TMC1: variants seen among roughly 807,000 people sequenced by gnomAD.
TMC1 encodes transmembrane channel like 1, also known as transmembrane channel-like protein 1.
Under a neutral mutation model 105.8 loss-of-function variants are expected in TMC1, and 84 were observed. The ratio of observed to expected loss-of-function variants is 0.79; its 90% confidence interval spans 0.67 to 0.95. The LOEUF is 0.95. Among genes scored for constraint, TMC1 ranks in the 40% least tolerant of loss-of-function variants. The pLI, the probability that TMC1 is intolerant of heterozygous loss-of-function variation, is 0.00. For missense variants in TMC1, 817 were observed against 914.1 expected (o/e 0.89, Z 1.37); for synonymous variants, 315 against 311.5 (o/e 1.01, Z -0.12).
At chr9:72,552,360 T>TC (rs970091682) in intron 1 of TMC1, among the ~76,000 whole-genome samples, 11 of 151,722 alleles carry the variant, frequency 7.3e-5, no homozygotes, top group Admixed American at 5.9e-4. Flanking sequence ...TGTGAAGGAA[T>TC]CCCCCCCAGA....
At chr9:72,641,659 C>T (rs909956409) in intron 4 of TMC1, among the ~76,000 whole-genome samples, 2 of 114,756 alleles carry the variant, frequency 1.7e-5, no homozygotes, top group African/African-American at 3.7e-5. Context: ...ACCTTGTGCC[C>T]GTGCATTCAT....
At chr9:72,739,973 G>T (rs901495459) in intron 8 of TMC1, 146 bp from the exon 9 acceptor site, 3 of 625,354 alleles carry the variant, frequency 4.8e-6, no homozygotes, top group Non-Finnish European at 5.5e-6. Context: ...AAATTTCTAG[G>T]TTATGAAATA....
At chr9:72,792,790 T>G (rs1371336785) in intron 17 of TMC1, among the ~76,000 whole-genome samples, 2 of 152,070 alleles carry the variant, frequency 1.3e-5, no homozygotes, top group Non-Finnish European at 2.9e-5. Flanking sequence ...AGGCAGCTAG[T>G]GTGCATGGCT....
At chr9:72,577,038 C>T (rs559262107) in intron 1 of TMC1, among the ~76,000 whole-genome samples, 366 of 152,094 alleles carry the variant, frequency 2.4e-3, no homozygotes, top group Non-Finnish European at 4.2e-3. Context: ...AAATTATTCT[C>T]GGAAATGTTT....
In TMC1 at chr9:72,792,268, C is replaced by A. The variant is rs1227231831; in HGVS notation, c.1482C>A (p.Phe494Leu). Reference protein sequence around the residue: ...ANMIKAYNASFSENSTGPPFF... With the variant: ...ANMIKAYNASLSENSTGPPFF... ...TGATCAAGGCCTACAATGCATCATT[C>A]TCTGAAAATAGCACTGGACCACCCT... Residue 494 changes from phenylalanine to leucine, a missense_variant, in exon 17 of 24, where the codon TTC (phenylalanine) becomes TTA (leucine). Physicochemically the swap from Phe to Leu is conservative, Grantham distance 22. Transcript: ENST00000297784. 2 of 1,613,988 alleles carry A rather than the reference C, an allele frequency of 1.2e-6. No individual in the cohort carries two copies. Among genetic ancestry groups the A allele is most frequent in the South Asian group, 2.2e-5 (2 of 91,092 alleles).
rs1350933353 is a variant in TMC1, at chr9:72,746,491, C to T, written c.535+3966C>T. Among the ~76,000 whole-genome samples, 4 of 152,146 alleles carry T rather than the reference C, an allele frequency of 2.6e-5. No individual in the cohort carries two copies. In the East Asian group the frequency reaches 7.7e-4, roughly 29 times the overall value. On this transcript the variant is annotated intron_variant, in intron 10 of 23. Coordinates refer to ENST00000297784, the MANE Select transcript of TMC1 (RefSeq NM_138691.3). ...GCATGGTCAAAAGAGGAGCTGTTGC[C>T]TTCCATTCCCAACAGCCTTTCTAAT...
intron 5 of TMC1, among the ~76,000 whole-genome samples, chr9:72,667,862 C>T (rs762330155): frequency 2.6e-5 from 4 of 152,162 alleles, no homozygotes; most frequent in Non-Finnish European, 5.9e-5. Flanking sequence ...GGAGTGATGA[C>T]TTCTAACCTC....
intron 4 of TMC1, among the ~76,000 whole-genome samples, chr9:72,643,789 G>A (rs1825666009): frequency 6.6e-6 from 1 of 152,146 alleles, no homozygotes; most frequent in African/African-American, 2.4e-5. Context: ...TTGGGTAAAT[G>A]TCTTAGAGTA....
chr9:72,686,118 A>G (rs543286289), intron 5 of TMC1, among the ~76,000 whole-genome samples: 2 of 152,258 alleles, frequency 1.3e-5, no homozygotes, highest in Non-Finnish European at 2.9e-5. Context: ...CTCCTATTGC[A>G]TATTCCTCTT....
chr9:72,813,076 G>C (rs1828730238), intron 18 of TMC1, among the ~76,000 whole-genome samples: 1 of 152,138 alleles, frequency 6.6e-6, no homozygotes, highest in Non-Finnish European at 1.5e-5. Context: ...TACCAGGAAT[G>C]AGCAGTCATT....
intron 4 of TMC1, among the ~76,000 whole-genome samples, chr9:72,639,850 A>G (rs548476677): frequency 6.6e-6 from 1 of 152,192 alleles, no homozygotes; most frequent in East Asian, 1.9e-4. Flanking sequence ...TAAAATGGCC[A>G]TAGCTTTTTT....
rs562399645 is a variant in TMC1, at chr9:72,745,434, C to T, written c.535+2909C>T. 5.3e-5 allele frequency among the ~76,000 whole-genome samples: 8 copies of T among 152,182 alleles called. No homozygotes were observed. The East Asian group carries it at 7.7e-4, about 15-fold the overall frequency. ...GCACCAGTTCATAAAAAGTATTCTACGAGGCCGATGGCAGGATGAGTAGTT... is the reference window on the plus strand; with the variant it reads ...GCACCAGTTCATAAAAAGTATTCTATGAGGCCGATGGCAGGATGAGTAGTT... On this transcript the variant is annotated intron_variant, in intron 10 of 23. Transcript: ENST00000297784.
chr9:72,665,005 C>T (rs1826019960), intron 5 of TMC1, among the ~76,000 whole-genome samples: 2 of 152,190 alleles, frequency 1.3e-5, no homozygotes, highest in South Asian at 4.1e-4. Context: ...TACATGCTCC[C>T]TCTCCTATAA....
intron 9 of TMC1, 65 bp from the exon 10 acceptor site, chr9:72,742,378 TG>T: frequency 8.1e-7 from 1 of 1,238,166 alleles, no homozygotes; most frequent in African/African-American, 1.5e-5. Context: ...TGTTTTGAGG[TG>T]GGGGATAAAC....
rs191658747 is a variant in TMC1 at position 72,624,871 on chromosome 9, A to T, written c.-195-3050A>T. Among the ~76,000 whole-genome samples the T allele has an allele frequency of 2.6e-5, 4 of 152,364 alleles. 1 individual carries two copies. Among genetic ancestry groups the T allele is most frequent in the Admixed American group, 2.6e-4 (4 of 15,310 alleles). ...ATGAGATGAGTGGGAAGTAGTGAGG[A>T]TGACCTGGATTTTCCATTGAGGAAG... On this transcript the variant is annotated intron_variant, in intron 3 of 23. Coordinates refer to ENST00000297784, the MANE Select transcript of TMC1 (RefSeq NM_138691.3).
At chr9:72,539,079 T>TG (rs1407599991) in intron 1 of TMC1, among the ~76,000 whole-genome samples, 1 of 124,536 alleles carries the variant, frequency 8.0e-6, no homozygotes, top group African/African-American at 3.6e-5. Context: ...AATGCTGTGT[T>TG]GCTTAGAAAT....
chr9:72,819,824 A>T (rs1263732086), intron 19 of TMC1, among the ~76,000 whole-genome samples: 1 of 152,262 alleles, frequency 6.6e-6, no homozygotes. Context: ...AGTTTAAAAG[A>T]CAGGGCTCCC....
chr9:72,683,574 TTC>T (rs557007042), intron 5 of TMC1, among the ~76,000 whole-genome samples: 2 of 150,880 alleles, frequency 1.3e-5, no homozygotes, highest in Admixed American at 6.6e-5. Context: ...GTCCTCCCTT[TTC>T]TCTCTTTTTT....
chr9:72,541,864 C>T (rs1823684293), intron 1 of TMC1, among the ~76,000 whole-genome samples: 1 of 152,088 alleles, frequency 6.6e-6, no homozygotes. Context: ...TGGTATCAGT[C>T]TGTGCCCTTA....
Sources: allele counts gnomAD v4.1 joint callset (sites outside exome capture counted in the v4.1 genomes callset), GRCh38; gene constraint gnomAD v4.1.1; transcripts MANE v1.5; gene names NCBI Gene and HGNC (gene_info 2026-07-23, HGNC 2026-07-21).